E2F3: variants seen among roughly 807,000 people sequenced by gnomAD.
E2F3 encodes E2F transcription factor 3, also known as transcription factor E2F3.
A neutral mutation model predicts 44.4 loss-of-function variants in E2F3; 11 were observed. The observed-to-expected ratio is 0.25, with a 90% CI of 0.16 to 0.41. The LOEUF is 0.41. Ranked by LOEUF, E2F3 falls within the 10% of genes least tolerant of loss-of-function variation. The pLI is 1.00. For missense variants in E2F3, 487 were observed against 583.6 expected, an observed-to-expected ratio of 0.83 and a Z score of 1.70; for synonymous variants, 249 against 253.0, an observed-to-expected ratio of 0.98 and a Z score of 0.15.
At chr6:20,474,883 C>T (rs1379079609) in intron 1 of E2F3, among the ~76,000 whole-genome samples, 2 of 152,236 alleles carry the variant, frequency 1.3e-5, no homozygotes, top group Admixed American at 1.3e-4. Flanking sequence ...GTTCACTCAA[C>T]AGGGGAGGAA....
intron 6 of E2F3, 56 bp downstream of exon 6, chr6:20,488,304 A>T: frequency 6.5e-7 from 1 of 1,534,896 alleles, no homozygotes; most frequent in South Asian, 1.3e-5. Flanking sequence ...GGTGACTAGA[A>T]CCATCTGTAT....
chr6:20,482,597 A>ATATAT (rs1554141447), intron 3 of E2F3, among the ~76,000 whole-genome samples, 165 bp from the exon 4 acceptor site: 1 of 119,030 alleles, frequency 8.4e-6, no homozygotes, highest in East Asian at 2.2e-4. Context: ...TATGAAAAAA[A>ATATAT]AAATATATAT....
Position 20,486,750 on chromosome 6 carries a change from A to G in E2F3, c.946A>G (p.Ile316Val), listed in dbSNP as rs1362838138. The change falls in exon 5 of 7, where the codon ATA (isoleucine) becomes GTA (valine). Residue 316 changes from isoleucine (I) to valine (V), a missense_variant. By Grantham distance (29) the Ile-to-Val change is conservative. Coordinates refer to ENST00000346618, the MANE Select transcript of E2F3 (RefSeq NM_001949.5). ...KISGLKDQTV[I>V]VVKAPPETRL... ...TAGTGGCCTTAAAGACCAAACTGTT[A>G]TAGTTGTGAAAGCCCCTCCAGAAAC... 5 of 1,613,656 alleles carry G rather than the reference A, an allele frequency of 3.1e-6. No individual in the cohort carries two copies. The African/African-American group carries it at 6.7e-5, about 22-fold the overall frequency.
chr6:20,477,570 C>T (rs1360528670), intron 1 of E2F3, among the ~76,000 whole-genome samples: 2 of 152,074 alleles, frequency 1.3e-5, no homozygotes, highest in African/African-American at 4.8e-5. Flanking sequence ...GTATCAGAAT[C>T]ACCTGGAAGG....
chr6:20,452,706 T>C (rs1240365970), intron 1 of E2F3, among the ~76,000 whole-genome samples: 2 of 152,120 alleles, frequency 1.3e-5, no homozygotes, highest in Non-Finnish European at 2.9e-5. Flanking sequence ...TCCCAGCACT[T>C]TGGGAGGCTG....
intron 3 of E2F3, among the ~76,000 whole-genome samples, 172 bp from the exon 4 acceptor site, chr6:20,482,590 G>GAA (rs372496935): frequency 0.15 from 20,941 of 135,274 alleles, 1,734 homozygotes; most frequent in South Asian, 0.27. Context: ...CTGTATTTAT[G>GAA]AAAAAAAAAA....
intron 1 of E2F3, among the ~76,000 whole-genome samples, chr6:20,436,302 G>A (rs1334632925): frequency 6.6e-6 from 1 of 152,168 alleles, no homozygotes; most frequent in African/African-American, 2.4e-5. Flanking sequence ...CTTTACGATA[G>A]AGGAATGTTT....
chr6:20,445,333 G>A lies in E2F3; in HGVS notation c.394-34513G>A, dbSNP rs530309322. Reference sequence around the variant, plus strand: ...CAGCTCATTGCAACCTCCGCCTCCCGGGTTCAAGCGATTCTCCTGCCTCAG... The same window carrying A: ...CAGCTCATTGCAACCTCCGCCTCCCAGGTTCAAGCGATTCTCCTGCCTCAG... On this transcript the variant is annotated intron_variant, in intron 1 of 6. Coordinates refer to ENST00000346618, the MANE Select transcript of E2F3 (RefSeq NM_001949.5). Among the ~76,000 whole-genome samples the A allele has an allele frequency of 7.6e-4, 115 of 151,620 alleles. No homozygotes were observed. In the Middle Eastern group the frequency reaches 0.014, roughly 18 times the overall value.
At chr6:20,447,851 A>C (rs1248600188) in intron 1 of E2F3, among the ~76,000 whole-genome samples, 1 of 152,202 alleles carries the variant, frequency 6.6e-6, no homozygotes, top group Non-Finnish European at 1.5e-5. Context: ...TGTGTGCTGG[A>C]AAAGATGTTT....
At chr6:20,439,373 G>A (rs1049423868) in intron 1 of E2F3, among the ~76,000 whole-genome samples, 2 of 152,192 alleles carry the variant, frequency 1.3e-5, no homozygotes, top group African/African-American at 4.8e-5. Flanking sequence ...GCTCTTTAGG[G>A]AGGAGGAGGA....
intron 3 of E2F3, among the ~76,000 whole-genome samples, chr6:20,482,493 C>A (rs960275134): frequency 1.3e-5 from 2 of 150,472 alleles, no homozygotes; most frequent in Non-Finnish European, 3.0e-5. Context: ...TTTGAACCTT[C>A]TGAAGAAGTA....
intron 2 of E2F3, among the ~76,000 whole-genome samples, chr6:20,480,733 G>A (rs1561883774): frequency 6.6e-6 from 1 of 152,106 alleles, no homozygotes; most frequent in Non-Finnish European, 1.5e-5. Context: ...GGTGATACAC[G>A]CACACACAGA....
At chr6:20,444,485 A>G (rs1015889427) in intron 1 of E2F3, among the ~76,000 whole-genome samples, 8 of 152,236 alleles carry the variant, frequency 5.3e-5, no homozygotes, top group Non-Finnish European at 8.8e-5. Flanking sequence ...ACAGAAAATA[A>G]GAACATCTAG....
intron 1 of E2F3, among the ~76,000 whole-genome samples, chr6:20,452,765 A>G (rs1374648713): frequency 6.6e-6 from 1 of 152,132 alleles, no homozygotes; most frequent in Non-Finnish European, 1.5e-5. Context: ...CTGGCCAACC[A>G]ACATGGTGAA....
intron 1 of E2F3, among the ~76,000 whole-genome samples, chr6:20,453,288 G>A (rs190058863): frequency 1.3e-5 from 2 of 152,046 alleles, no homozygotes; most frequent in African/African-American, 4.8e-5. Context: ...ACACATACAC[G>A]CACAAGAATT....
intron 1 of E2F3, among the ~76,000 whole-genome samples, chr6:20,462,436 G>A (rs1761542065): frequency 6.6e-6 from 1 of 151,006 alleles, no homozygotes; most frequent in African/African-American, 2.4e-5. Flanking sequence ...CTATCGGTAT[G>A]CCTGTACATA....
chr6:20,426,006 G>A (rs559069435), intron 1 of E2F3, among the ~76,000 whole-genome samples: 2 of 152,352 alleles, frequency 1.3e-5, no homozygotes, highest in East Asian at 1.9e-4. Flanking sequence ...TTTTGGAAAA[G>A]TAATCTCATT....
chr6:20,446,668 C>A (rs868613090), intron 1 of E2F3, among the ~76,000 whole-genome samples: 1 of 152,158 alleles, frequency 6.6e-6, no homozygotes, highest in East Asian at 1.9e-4. Context: ...TAGGTTCAAG[C>A]GATTCTCCTG....
chr6:20,423,814 G>T (rs1304157938), intron 1 of E2F3, among the ~76,000 whole-genome samples: 1 of 150,238 alleles, frequency 6.7e-6, no homozygotes, highest in Non-Finnish European at 1.5e-5. Context: ...TGTTGCCCAG[G>T]CTGGAGTGCA....
Sources: allele counts gnomAD v4.1 joint callset (sites outside exome capture counted in the v4.1 genomes callset), GRCh38; gene constraint gnomAD v4.1.1; transcripts MANE v1.5; gene names NCBI Gene and HGNC (gene_info 2026-07-23, HGNC 2026-07-21).